Variants in SPAG16 observed in about 807,000 individuals in gnomAD.
SPAG16 encodes the protein sperm associated antigen 16, also known as sperm-associated antigen 16 protein.
SPAG16 carries 86 observed loss-of-function variants against 80.4 expected under a neutral mutation model. The observed-to-expected ratio is 1.07, with a 90% CI of 0.90 to 1.28. SPAG16 has a LOEUF of 1.28. Among genes scored for constraint, SPAG16 ranks in the 50% most tolerant of loss-of-function variants. The pLI is 0.00. For missense variants in SPAG16, 870 were observed against 765.3 expected (o/e 1.14, Z -1.61); for synonymous variants, 294 against 265.9 (o/e 1.11, Z -1.03).
chr2:213,539,671 A>G (rs1575891339), intron 10 of SPAG16, among the ~76,000 whole-genome samples: 1 of 152,358 alleles, frequency 6.6e-6, no homozygotes, highest in East Asian at 1.9e-4. Flanking sequence ...AACCGAACAA[A>G]AAGTGAACAC....
intron 15 of SPAG16, among the ~76,000 whole-genome samples, chr2:214,245,246 T>C (rs1404634484): frequency 6.6e-6 from 1 of 152,174 alleles, no homozygotes; most frequent in Non-Finnish European, 1.5e-5. Context: ...ATGCTTTTAA[T>C]ATCCACGCTA....
chr2:213,354,516 A>G (rs768036118), intron 7 of SPAG16, among the ~76,000 whole-genome samples: 1 of 152,148 alleles, frequency 6.6e-6, no homozygotes, highest in African/African-American at 2.4e-5. Context: ...GTGTAAAATC[A>G]TTCCTATTTC....
intron 10 of SPAG16, among the ~76,000 whole-genome samples, chr2:213,737,788 T>G (rs2067360089): frequency 6.6e-6 from 1 of 152,124 alleles, no homozygotes; most frequent in Non-Finnish European, 1.5e-5. Flanking sequence ...GCGCCTGGCC[T>G]CTCATTACTT....
At chr2:213,468,836 G>A (rs1252770907) in intron 9 of SPAG16, among the ~76,000 whole-genome samples, 1 of 151,730 alleles carries the variant, frequency 6.6e-6, no homozygotes, top group African/African-American at 2.4e-5. Flanking sequence ...GTGGAGCAAG[G>A]AGAGCCAGTT....
intron 10 of SPAG16, among the ~76,000 whole-genome samples, chr2:213,728,736 G>T (rs2066889334): frequency 6.6e-6 from 1 of 151,786 alleles, no homozygotes; most frequent in Non-Finnish European, 1.5e-5. Context: ...AATTAGCCGG[G>T]CGTGGTGGTG....
At chr2:213,368,147 A>G (rs1182827858) in intron 8 of SPAG16, among the ~76,000 whole-genome samples, 2 of 152,048 alleles carry the variant, frequency 1.3e-5, no homozygotes, top group African/African-American at 4.8e-5. Context: ...ATTGGTCTAT[A>G]TCTCTGTTTT....
intron 12 of SPAG16, among the ~76,000 whole-genome samples, chr2:213,988,374 A>C (rs1420967658): frequency 2.0e-5 from 3 of 152,140 alleles, no homozygotes; most frequent in Non-Finnish European, 4.4e-5. Flanking sequence ...CAATAAAATT[A>C]AGATGATTTA....
At chr2:213,393,976 T>G (rs2067906636) in intron 9 of SPAG16, among the ~76,000 whole-genome samples, 1 of 152,174 alleles carries the variant, frequency 6.6e-6, no homozygotes, top group Admixed American at 6.5e-5. Context: ...TGACATTAAT[T>G]TTGTGATCAA....
At chr2:214,201,809 C>T (rs546187828) in intron 15 of SPAG16, among the ~76,000 whole-genome samples, 20 of 151,924 alleles carry the variant, frequency 1.3e-4, no homozygotes, top group Non-Finnish European at 2.5e-4. Context: ...AATCACATTT[C>T]TTTCTTTTCT....
At chr2:213,567,217 A>G (rs1215361863) in intron 10 of SPAG16, among the ~76,000 whole-genome samples, 1 of 132,500 alleles carries the variant, frequency 7.5e-6, no homozygotes, top group Admixed American at 7.7e-5. Flanking sequence ...TATTAAAATT[A>G]CTTGTTTGAC....
chr2:214,098,371 T>G (rs2052750340), intron 13 of SPAG16, among the ~76,000 whole-genome samples: 1 of 152,130 alleles, frequency 6.6e-6, no homozygotes, highest in African/African-American at 2.4e-5. Flanking sequence ...GTGACTGTAT[T>G]TGGAGATAAG....
chr2:213,634,790 A>G (rs2062295023), intron 10 of SPAG16, among the ~76,000 whole-genome samples: 2 of 152,058 alleles, frequency 1.3e-5, no homozygotes, highest in African/African-American at 4.8e-5. Context: ...AGTCCACTAT[A>G]TCATTCTTAT....
At chr2:213,750,917 G>A (rs1007416596) in intron 10 of SPAG16, among the ~76,000 whole-genome samples, 1 of 152,116 alleles carries the variant, frequency 6.6e-6, no homozygotes, top group African/African-American at 2.4e-5. Context: ...GACCACCGAT[G>A]ATACATTAAC....
chr2:213,397,913 A>G (rs1269302659), intron 9 of SPAG16, among the ~76,000 whole-genome samples: 1 of 152,100 alleles, frequency 6.6e-6, no homozygotes, highest in Non-Finnish European at 1.5e-5. Context: ...CTAGTTTCAT[A>G]TATCCAACTG....
intron 15 of SPAG16, among the ~76,000 whole-genome samples, chr2:214,282,272 A>G (rs935978984): frequency 1.3e-5 from 2 of 152,182 alleles, no homozygotes; most frequent in Non-Finnish European, 2.9e-5. Context: ...GATTGAATCA[A>G]TTATAATAAA....
At chr2:213,398,588 A>G (rs1227531387) in intron 9 of SPAG16, among the ~76,000 whole-genome samples, 1 of 152,102 alleles carries the variant, frequency 6.6e-6, no homozygotes, top group Non-Finnish European at 1.5e-5. Context: ...CAGATGGCTC[A>G]TCTCTCACTT....
chr2:213,328,839 A>G (rs755448897), intron 5 of SPAG16, among the ~76,000 whole-genome samples: 34 of 152,090 alleles, frequency 2.2e-4, no homozygotes, highest in South Asian at 6.2e-4. Flanking sequence ...TCCCCACCCA[A>G]ATCTCATCTT....
At chr2:214,059,798 G>C (rs2050161543) in intron 13 of SPAG16, among the ~76,000 whole-genome samples, 1 of 151,788 alleles carries the variant, frequency 6.6e-6, no homozygotes, top group Non-Finnish European at 1.5e-5. Flanking sequence ...CTTCACACAT[G>C]GGGATATTAT....
intron 12 of SPAG16, 85 bp downstream of exon 12, chr2:213,930,230 T>C: frequency 1.0e-6 from 1 of 970,968 alleles, no homozygotes; most frequent in Non-Finnish European, 1.5e-6. Context: ...TTTTTTTCCT[T>C]GATGCTACCC....
Sources: gnomAD v4.1 joint callset for allele counts (sites outside exome capture counted in the v4.1 genomes callset) on GRCh38, gnomAD v4.1.1 for gene constraint, MANE v1.5 for transcripts, NCBI Gene and HGNC (gene_info 2026-07-23, HGNC 2026-07-21) for gene names.